Variants in DLG2 observed in about 807,000 individuals in gnomAD.
DLG2 encodes disks large homolog 2.
DLG2 carries 45 observed loss-of-function variants against 132.5 expected under a neutral mutation model. The ratio of observed to expected loss-of-function variants is 0.34; its 90% confidence interval spans 0.27 to 0.44. The LOEUF (loss-of-function observed/expected upper bound fraction) is 0.44, where lower values mean the gene tolerates loss of function less well. Ranked by LOEUF, DLG2 falls within the 20% of genes least tolerant of loss-of-function variation. The probability of loss-of-function intolerance (pLI) is 1.00; values close to 1 mark genes in which losing one functional copy is unlikely to be tolerated. For missense variants in DLG2, 1,045 were observed against 1,196.9 expected (o/e 0.87, Z 1.87); for synonymous variants, 424 against 419.6 (o/e 1.01, Z -0.13).
intron 6 of DLG2, among the ~76,000 whole-genome samples, chr11:84,903,338 A>G (rs2091123407): frequency 6.6e-6 from 1 of 152,160 alleles, no homozygotes; most frequent in South Asian, 2.1e-4. Flanking sequence ...TGTTTTAACT[A>G]ACAGATATCT....
rs191467704 is a variant in DLG2, at chr11:84,279,557, C to A, written c.520-28266G>T. Among the ~76,000 whole-genome samples, 544 of 152,280 alleles carry A rather than the reference C, an allele frequency of 3.6e-3. 2 individuals are homozygous for A. The highest frequency in any genetic ancestry group is 6.0e-3 in the Non-Finnish European group (411 of 68,028). On this transcript the variant is annotated intron_variant, in intron 7 of 27. Transcript: ENST00000376104. ...ACAATAGCAAAGACTTAGAACTAAT[C>A]CAAATGCCCATCAGTGATAGACTGG...
chr11:85,389,064 A>G (rs1432770972), intron 3 of DLG2, among the ~76,000 whole-genome samples: 1 of 152,184 alleles, frequency 6.6e-6, no homozygotes, highest in East Asian at 1.9e-4. Context: ...TCAAGGAGGT[A>G]CCAGAGAAAG....
chr11:83,518,860 T>C (rs2095388005), intron 21 of DLG2, among the ~76,000 whole-genome samples: 1 of 152,170 alleles, frequency 6.6e-6, no homozygotes, highest in Admixed American at 6.5e-5. Flanking sequence ...AAAAGAAGTT[T>C]GTTCCTGGGG....
chr11:85,462,100 G>C (rs997652347), intron 3 of DLG2, among the ~76,000 whole-genome samples: 1 of 152,186 alleles, frequency 6.6e-6, no homozygotes, highest in African/African-American at 2.4e-5. Context: ...ACCACAATGA[G>C]ATATCATCTC....
intron 6 of DLG2, among the ~76,000 whole-genome samples, chr11:84,681,340 T>C (rs973169855): frequency 6.6e-6 from 1 of 152,168 alleles, no homozygotes; most frequent in Non-Finnish European, 1.5e-5. Context: ...CTCTGTAAAG[T>C]AGACAATTTA....
At chr11:83,487,742 T>C (rs1291845570) in intron 21 of DLG2, among the ~76,000 whole-genome samples, 1 of 152,060 alleles carries the variant, frequency 6.6e-6, no homozygotes, top group Non-Finnish European at 1.5e-5. Flanking sequence ...CCTGTTACAA[T>C]TTTTGTGATA....
At chr11:84,624,976 G>C (rs1032461716) in intron 6 of DLG2, among the ~76,000 whole-genome samples, 3 of 144,986 alleles carry the variant, frequency 2.1e-5, no homozygotes, top group African/African-American at 7.9e-5. Context: ...TCCTGCCTCA[G>C]CCTCCTCCCA....
At chr11:84,373,248 T>TCAAAAAAAAAA (rs1388006500) in intron 7 of DLG2, among the ~76,000 whole-genome samples, 4 of 1,440 alleles carry the variant, frequency 2.8e-3, no homozygotes, top group Admixed American at 0.011. Context: ...TAAGAAACAG[T>TCAAAAAAAAAA]CAAAAAAAAA....
chr11:84,456,247 T>C (rs2099065019), intron 7 of DLG2, among the ~76,000 whole-genome samples: 1 of 151,348 alleles, frequency 6.6e-6, no homozygotes. Context: ...CAAGTAGCTA[T>C]GCAAGGAAGT....
chr11:85,303,075 C>T (rs1419819476), intron 3 of DLG2, among the ~76,000 whole-genome samples: 1 of 152,166 alleles, frequency 6.6e-6, no homozygotes, highest in Non-Finnish European at 1.5e-5. Flanking sequence ...TAACCACTAT[C>T]CTAAGTTAGA....
chr11:85,199,045 C>A (rs1336760740), intron 4 of DLG2, among the ~76,000 whole-genome samples: 2 of 152,102 alleles, frequency 1.3e-5, no homozygotes, highest in Admixed American at 6.5e-5. Context: ...TTTAGGACCC[C>A]CAAATTCCAC....
At chr11:84,692,608 A>G (rs2058172158) in intron 6 of DLG2, among the ~76,000 whole-genome samples, 1 of 151,746 alleles carries the variant, frequency 6.6e-6, no homozygotes, top group Non-Finnish European at 1.5e-5. Context: ...ATAAACAAAT[A>G]ATTAAGCATA....
At chr11:84,180,534 G>C (rs1269354250) in intron 8 of DLG2, among the ~76,000 whole-genome samples, 1 of 151,946 alleles carries the variant, frequency 6.6e-6, no homozygotes, top group Admixed American at 6.6e-5. Flanking sequence ...GAACCTCAGA[G>C]AACACCAAGC....
chr11:84,570,583 A>G (rs2099478568), intron 6 of DLG2, among the ~76,000 whole-genome samples: 1 of 152,110 alleles, frequency 6.6e-6, no homozygotes, highest in Non-Finnish European at 1.5e-5. Flanking sequence ...TAAGAACGAC[A>G]TACTTGGAAT....
chr11:85,282,723 T>C lies in DLG2; in HGVS notation c.186+2497A>G, dbSNP rs562311997. Among the ~76,000 whole-genome samples, 37 of 152,100 alleles carry C rather than the reference T, an allele frequency of 2.4e-4. 1 individual carries two copies. The highest frequency in any genetic ancestry group is 7.7e-4 in the African/African-American group (32 of 41,540). ...TGCAATATATATGGGACTATGCATC[T>C]AGAAATTGAATAAAATAATGTTTTT... On this transcript the variant is annotated intron_variant, in intron 4 of 27. Transcript: ENST00000376104.
intron 14 of DLG2, among the ~76,000 whole-genome samples, chr11:83,940,324 A>G (rs779527458): frequency 9.9e-5 from 15 of 152,158 alleles, no homozygotes; most frequent in Non-Finnish European, 1.9e-4. Context: ...GTATTTCTTC[A>G]TGATTGCCAC....
intron 6 of DLG2, among the ~76,000 whole-genome samples, chr11:85,068,640 G>C (rs417091): frequency 2.6e-5 from 4 of 151,796 alleles, no homozygotes; most frequent in East Asian, 1.9e-4. Flanking sequence ...CACTGCTCAA[G>C]GAAATAAAAG....
At chr11:83,598,887 G>T (rs2058069757) in intron 19 of DLG2, among the ~76,000 whole-genome samples, 1 of 152,160 alleles carries the variant, frequency 6.6e-6, no homozygotes, top group Non-Finnish European at 1.5e-5. Flanking sequence ...CTACTGAGGT[G>T]TATAAAGCTG....
At chr11:85,148,427 T>G (rs1017802555) in intron 5 of DLG2, among the ~76,000 whole-genome samples, 1 of 152,164 alleles carries the variant, frequency 6.6e-6, no homozygotes, top group Non-Finnish European at 1.5e-5. Context: ...TGTTTGTTGC[T>G]TTTTAATAAT....
Sources: allele counts gnomAD v4.1 joint callset (sites outside exome capture counted in the v4.1 genomes callset), GRCh38; gene constraint gnomAD v4.1.1; transcripts MANE v1.5; gene names NCBI Gene and HGNC (gene_info 2026-07-23, HGNC 2026-07-21).